MECOM: variants seen among roughly 807,000 people sequenced by gnomAD.
The protein encoded by MECOM is histone-lysine N-methyltransferase MECOM.
Under a neutral mutation model 116.3 loss-of-function variants are expected in MECOM, and 13 were observed. The observed-to-expected ratio is 0.11, with a 90% CI of 0.07 to 0.18. MECOM has a LOEUF of 0.18. Among genes scored for constraint, MECOM ranks in the 10% least tolerant of loss-of-function variants. The pLI is 1.00. For synonymous variants in MECOM, 528 were observed against 535.2 expected, an observed-to-expected ratio of 0.99 and a Z score of 0.19; for missense variants, 1,299 against 1,509.0, an observed-to-expected ratio of 0.86 and a Z score of 2.31.
At chr3:169,386,798 G>A (rs912385355) in intron 1 of MECOM, among the ~76,000 whole-genome samples, 7 of 152,070 alleles carry the variant, frequency 4.6e-5, no homozygotes, top group African/African-American at 1.4e-4. Flanking sequence ...TTCAGAAAGT[G>A]TATAGCAATT....
rs1560197189 is a variant in MECOM at position 169,378,471 on chromosome 3, AAGCAAGAAAGAGAGAG to A, written c.375+2700_375+2715del. On this transcript the variant is annotated intron_variant, in intron 2 of 16. Transcript: ENST00000651503. ...AAAGAAGGAAAGCAAGCAAGCAAGC[AAGCAAGAAAGAGAGAG>A]AGAAAGAAAGAAAGAAAGAAAGAAA... 2.0e-4 allele frequency among the ~76,000 whole-genome samples: 9 copies of A among 45,006 alleles called. 1 individual carries two copies. Among genetic ancestry groups the A allele is most frequent in the African/African-American group, 1.5e-3 (9 of 5,816 alleles). 29.5% of individuals were successfully genotyped at this position (45,006 alleles called of 152,430 possible).
chr3:169,489,721 G>A (rs1192487379), intron 1 of MECOM, among the ~76,000 whole-genome samples: 5 of 152,008 alleles, frequency 3.3e-5, no homozygotes, highest in Admixed American at 6.6e-5. Flanking sequence ...TCCTTACCTC[G>A]TATGCAAACA....
At chr3:169,270,388 T>C (rs1758792977) in intron 2 of MECOM, among the ~76,000 whole-genome samples, 1 of 149,850 alleles carries the variant, frequency 6.7e-6, no homozygotes, top group Non-Finnish European at 1.5e-5. Flanking sequence ...TATCTGTATC[T>C]ATCTATCTAT....
rs115330839 is a variant in MECOM at position 169,649,949 on chromosome 3, A to G, written c.37+13387T>C. On this transcript the variant is annotated intron_variant, in intron 1 of 16. Transcript: ENST00000651503. ...AATAGTTCTTGCCAGTAGAACCAAA[A>G]CCCAGTTATTCCATTTTTGTAACCT... is the stretch of plus-strand genomic sequence containing the variant. Among the ~76,000 whole-genome samples the G allele has an allele frequency of 1.6e-3, 248 of 152,332 alleles. 1 individual carries two copies. The highest frequency in any genetic ancestry group is 5.6e-3 in the African/African-American group (232 of 41,582).
chr3:169,201,718 C>T (rs1009524752), intron 2 of MECOM, among the ~76,000 whole-genome samples: 1 of 152,080 alleles, frequency 6.6e-6, no homozygotes, highest in African/African-American at 2.4e-5. Context: ...ATAATGCCAA[C>T]TTGGCTAAAC....
chr3:169,248,000 G>A (rs990656643), intron 2 of MECOM, among the ~76,000 whole-genome samples: 44 of 152,116 alleles, frequency 2.9e-4, no homozygotes, highest in Admixed American at 2.8e-3. Flanking sequence ...TCTCTAAAAT[G>A]AGAATTATCA....
chr3:169,391,246 T>C (rs140873022), intron 1 of MECOM, among the ~76,000 whole-genome samples: 5 of 152,294 alleles, frequency 3.3e-5, no homozygotes, highest in South Asian at 2.1e-4. Flanking sequence ...AGTCTCAAAA[T>C]GTTTTATTTG....
At chr3:169,163,096 C>T (rs1391146315) in intron 2 of MECOM, among the ~76,000 whole-genome samples, 1 of 152,142 alleles carries the variant, frequency 6.6e-6, no homozygotes, top group African/African-American at 2.4e-5. Flanking sequence ...TAAATATATA[C>T]TATTCAGTGC....
intron 2 of MECOM, among the ~76,000 whole-genome samples, chr3:169,231,871 C>G (rs562181175): frequency 1.3e-5 from 2 of 152,206 alleles, no homozygotes; most frequent in Non-Finnish European, 1.5e-5. Flanking sequence ...TCTACAGATC[C>G]TATATACTTG....
chr3:169,204,289 T>A (rs1280425904), intron 2 of MECOM, among the ~76,000 whole-genome samples: 3 of 152,238 alleles, frequency 2.0e-5, no homozygotes, highest in Non-Finnish European at 2.9e-5. Context: ...GGAAAGGAAC[T>A]GCATCTTGAT....
intron 2 of MECOM, among the ~76,000 whole-genome samples, chr3:169,174,652 C>A (rs1018953480): frequency 6.6e-6 from 1 of 152,154 alleles, no homozygotes; most frequent in Non-Finnish European, 1.5e-5. Flanking sequence ...ATTTCTTGCA[C>A]ACTCTAAGAT....
chr3:169,401,728 T>G (rs1347280779), intron 1 of MECOM, among the ~76,000 whole-genome samples: 6 of 152,034 alleles, frequency 3.9e-5, no homozygotes. Context: ...AAGACCCTAC[T>G]AGAAAGAAGA....
intron 1 of MECOM, among the ~76,000 whole-genome samples, chr3:169,568,596 C>A (rs1453578537): frequency 6.6e-6 from 1 of 152,162 alleles, no homozygotes; most frequent in Non-Finnish European, 1.5e-5. Context: ...GTAAACAAAG[C>A]CACCAGGAAC....
intron 8 of MECOM, among the ~76,000 whole-genome samples, chr3:169,114,516 A>C (rs184676069): frequency 1.3e-5 from 2 of 152,354 alleles, no homozygotes; most frequent in Non-Finnish European, 2.9e-5. Context: ...GAATTAGGCA[A>C]AATATGAAAA....
intron 4 of MECOM, 131 bp downstream of exon 4, chr3:169,131,298 G>A: frequency 6.5e-6 from 5 of 773,586 alleles, no homozygotes; most frequent in Non-Finnish European, 1.1e-5. Flanking sequence ...TGCTTCAAGA[G>A]AAGGAACTTG....
At position 169,318,731 on chromosome 3, in the gene MECOM, C is replaced by T. The variant is rs867511624; in HGVS notation, c.375+62456G>A. Among the ~76,000 whole-genome samples the T allele has an allele frequency of 1.1e-3, 162 of 152,242 alleles. 2 individuals carry two copies. The highest frequency in any genetic ancestry group is 4.0e-3 in the Admixed American group (61 of 15,298). ...ATGGCGATTCCTCCAGGATCTAAAA[C>T]CAGAAATACCATTTGACCCAGCAAT... On this transcript the variant is annotated intron_variant, in intron 2 of 16. Transcript: ENST00000651503.
intron 2 of MECOM, among the ~76,000 whole-genome samples, chr3:169,255,054 T>C (rs1474614472): frequency 1.3e-5 from 2 of 152,184 alleles, no homozygotes; most frequent in African/African-American, 4.8e-5. Context: ...GAAACCTGTT[T>C]GACATTCCCA....
intron 1 of MECOM, among the ~76,000 whole-genome samples, chr3:169,482,125 T>C (rs1250849090): frequency 2.0e-5 from 3 of 151,984 alleles, no homozygotes; most frequent in Non-Finnish European, 4.4e-5. Flanking sequence ...ACAGTTTCTT[T>C]TACCTCCACC....
intron 1 of MECOM, among the ~76,000 whole-genome samples, chr3:169,459,907 C>T (rs1001595409): frequency 1.3e-5 from 2 of 152,098 alleles, no homozygotes; most frequent in African/African-American, 2.4e-5. Context: ...CCGAGACTGG[C>T]GTTAGTATAC....
Sources: gnomAD v4.1 joint callset for allele counts (sites outside exome capture counted in the v4.1 genomes callset) on GRCh38, gnomAD v4.1.1 for gene constraint, MANE v1.5 for transcripts, NCBI Gene and HGNC (gene_info 2026-07-23, HGNC 2026-07-21) for gene names.